Variants in MEGF10 observed in about 807,000 individuals in gnomAD.
The protein encoded by MEGF10 is multiple epidermal growth factor-like domains protein 10.
A neutral mutation model predicts 147.5 loss-of-function variants in MEGF10; 86 were observed. The observed-to-expected ratio is 0.58, with a 90% CI of 0.49 to 0.70. The LOEUF is 0.70. Ranked by LOEUF, MEGF10 falls within the 30% of genes least tolerant of loss-of-function variation. The pLI is 0.00. For synonymous variants in MEGF10, 478 were observed against 525.5 expected (o/e 0.91, Z 1.24); for missense variants, 1,329 against 1,487.3 (o/e 0.89, Z 1.75).
the MEGF10 span, among the ~76,000 whole-genome samples, chr5:127,250,446 A>G: frequency 1.3e-5 from 2 of 152,076 alleles, no homozygotes; most frequent in East Asian, 1.9e-4. Context: ...CTAAAATTCA[A>G]TAATCATTTG....
chr5:127,286,867 A>C (rs1366412665), upstream of MEGF10, among the ~76,000 whole-genome samples: 2 of 151,904 alleles, frequency 1.3e-5, 1 homozygote, highest in Non-Finnish European at 2.9e-5. Context: ...AATGCAGACC[A>C]ATAATTTTAA....
At chr5:127,351,299 G>C (rs1762078321) in intron 4 of MEGF10, among the ~76,000 whole-genome samples, 1 of 151,940 alleles carries the variant, frequency 6.6e-6, no homozygotes, top group South Asian at 2.1e-4. Flanking sequence ...TATCTTTCCG[G>C]ATATATTTCC....
chr5:127,375,836 CATATGATTCT>C (rs568341211), intron 5 of MEGF10, among the ~76,000 whole-genome samples: 4 of 152,192 alleles, frequency 2.6e-5, no homozygotes, highest in Non-Finnish European at 5.9e-5. Flanking sequence ...TTGAAGGAAC[CATATGATTCT>C]ATATGATTCT....
chr5:127,422,407 G>T (rs1765046216), intron 12 of MEGF10, among the ~76,000 whole-genome samples: 1 of 151,726 alleles, frequency 6.6e-6, no homozygotes. Flanking sequence ...TATAGTCCCA[G>T]CTACTCGGGA....
At chr5:127,374,625 A>G (rs550804495) in intron 5 of MEGF10, among the ~76,000 whole-genome samples, 29 of 152,330 alleles carry the variant, frequency 1.9e-4, no homozygotes, top group South Asian at 1.4e-3. Flanking sequence ...CATTGGATTC[A>G]TTGCTGGTTA....
chr5:127,274,624 A>AT, the MEGF10 span, among the ~76,000 whole-genome samples: 19 of 151,822 alleles, frequency 1.3e-4, no homozygotes, highest in East Asian at 5.8e-4. Flanking sequence ...TTAAAAATCT[A>AT]TTTTTTTTAA....
chr5:127,235,788 A>G, the MEGF10 span, among the ~76,000 whole-genome samples: 1 of 152,204 alleles, frequency 6.6e-6, no homozygotes, highest in Non-Finnish European at 1.5e-5. Flanking sequence ...TTTGAATTGT[A>G]TTGTTTTTGT....
chr5:127,429,394 G>A (rs540312255), intron 13 of MEGF10, among the ~76,000 whole-genome samples: 1 of 152,238 alleles, frequency 6.6e-6, no homozygotes, highest in Admixed American at 6.5e-5. Flanking sequence ...TGGGCTTCCT[G>A]GTTTGAGTGA....
chr5:127,443,117 T>A lies in MEGF10; in HGVS notation c.2482T>A (p.Cys828Ser), dbSNP rs775422847. Reference protein sequence around the residue: ...YCSPGWKGARCDQAGVIIVGN... With the variant: ...YCSPGWKGARSDQAGVIIVGN... ...CAGCCCCGGATGGAAGGGAGCGAGATGTGATCAAGGTAAATATACTAGCTA... is the reference window on the plus strand; with the variant it reads ...CAGCCCCGGATGGAAGGGAGCGAGAAGTGATCAAGGTAAATATACTAGCTA... The change falls in exon 19 of 25, where the codon TGT (cysteine) becomes AGT (serine). Residue 828 changes from cysteine (C) to serine (S), a missense_variant. Around this residue, in one of 3 missense-constraint regions of MEGF10, gnomAD observed 6 missense variants for 23.5 expected, o/e 0.26. Transcript: ENST00000503335. 1.1e-5 allele frequency: 18 copies of A among 1,613,092 alleles called. No homozygotes were observed. The highest frequency in any genetic ancestry group is 1.5e-5 in the Non-Finnish European group (18 of 1,179,418).
intron 5 of MEGF10, among the ~76,000 whole-genome samples, chr5:127,391,098 G>GCACACACACACACACA (rs1158697334): frequency 6.7e-5 from 2 of 29,736 alleles, no homozygotes; most frequent in African/African-American, 1.4e-4. Context: ...GCGCGCGCGC[G>GCACACACACACACACA]CGCGCACACA....
the MEGF10 span, among the ~76,000 whole-genome samples, chr5:127,268,490 G>A: frequency 6.6e-6 from 1 of 152,158 alleles, no homozygotes; most frequent in Non-Finnish European, 1.5e-5. Context: ...TTTCTGTCTC[G>A]TTGATCTGTC....
At chr5:127,449,513 C>T (rs545733474) in intron 22 of MEGF10, among the ~76,000 whole-genome samples, 1 of 152,206 alleles carries the variant, frequency 6.6e-6, no homozygotes, top group Non-Finnish European at 1.5e-5. Flanking sequence ...TTAATTCTCA[C>T]AAGTACTCTA....
intron 9 of MEGF10, among the ~76,000 whole-genome samples, chr5:127,414,323 C>G (rs1011471643): frequency 6.6e-6 from 1 of 151,948 alleles, no homozygotes; most frequent in Non-Finnish European, 1.5e-5. Context: ...AAATAATTTA[C>G]CCTTTCTAGG....
the MEGF10 span, among the ~76,000 whole-genome samples, chr5:127,278,529 G>A: frequency 2.0e-5 from 3 of 152,158 alleles, no homozygotes; most frequent in Non-Finnish European, 2.9e-5. Flanking sequence ...GAATGCTGAT[G>A]GGAATACTCT....
At chr5:127,308,985 T>C in intron 1 of MEGF10, among the ~76,000 whole-genome samples, 1 of 152,174 alleles carries the variant, frequency 6.6e-6, no homozygotes, top group East Asian at 1.9e-4. Flanking sequence ...TTGCCATCTG[T>C]AACGAGATGT....
chr5:127,273,066 T>A, the MEGF10 span, among the ~76,000 whole-genome samples: 28 of 152,244 alleles, frequency 1.8e-4, no homozygotes, highest in African/African-American at 6.7e-4. Context: ...TGCAGCCACA[T>A]TTGTTGGGGA....
At chr5:127,346,723 C>A (rs912986331) in intron 4 of MEGF10, among the ~76,000 whole-genome samples, 1 of 151,924 alleles carries the variant, frequency 6.6e-6, no homozygotes, top group Non-Finnish European at 1.5e-5. Flanking sequence ...TAATTAAGTC[C>A]CATCTATTTA....
At chr5:127,273,514 A>G in the MEGF10 span, among the ~76,000 whole-genome samples, 1 of 152,230 alleles carries the variant, frequency 6.6e-6, no homozygotes, top group African/African-American at 2.4e-5. Context: ...GATCCCTTGA[A>G]TTCTAACTCT....
chr5:127,434,636 G>A (rs757292033), intron 14 of MEGF10, 51 bp from the exon 15 acceptor site: 16 of 1,536,282 alleles, frequency 1.0e-5, no homozygotes, highest in East Asian at 4.7e-5. Flanking sequence ...TCTGGAATGC[G>A]AGACAAACGC....
Sources: gnomAD v4.1 joint callset for allele counts (sites outside exome capture counted in the v4.1 genomes callset) on GRCh38, gnomAD v4.1.1 for gene constraint, gnomAD v4.1.1 regional missense constraint, MANE v1.5 for transcripts, NCBI Gene and HGNC (gene_info 2026-07-23, HGNC 2026-07-21) for gene names.